Variants in PDGFRA observed in about 807,000 individuals in gnomAD.
The protein encoded by PDGFRA is platelet-derived growth factor receptor alpha.
In PDGFRA, 25 loss-of-function variants were observed where a neutral mutation model predicts 121.5. The ratio of observed to expected loss-of-function variants is 0.21; its 90% confidence interval spans 0.15 to 0.29. The LOEUF is 0.29. Ranked by LOEUF, PDGFRA falls within the 10% of genes least tolerant of loss-of-function variation. PDGFRA has a pLI of 1.00. For synonymous variants in PDGFRA, 463 were observed against 494.8 expected (o/e 0.94, Z 0.85); for missense variants, 1,008 against 1,345.1 (o/e 0.75, Z 3.92).
chr4:54,260,900 A>G (rs936185375), intron 2 of PDGFRA, among the ~76,000 whole-genome samples, 195 bp from the exon 3 acceptor site: 2 of 152,058 alleles, frequency 1.3e-5, no homozygotes, highest in Admixed American at 6.6e-5. Flanking sequence ...TGGTGGAGCT[A>G]TTTGGAACAT....
intron 1 of PDGFRA, among the ~76,000 whole-genome samples, chr4:54,253,763 C>A (rs776811493): frequency 2.0e-5 from 3 of 152,152 alleles, no homozygotes; most frequent in Non-Finnish European, 4.4e-5. Flanking sequence ...TGGCTCACTG[C>A]AACCTCTGCC....
chr4:54,251,252 G>C (rs1722043066), intron 1 of PDGFRA, among the ~76,000 whole-genome samples: 1 of 152,082 alleles, frequency 6.6e-6, no homozygotes, highest in African/African-American at 2.4e-5. Flanking sequence ...ATCTTTTAAT[G>C]ACTTTTTGCT....
chr4:54,294,179 G>A (rs1724767354), intron 22 of PDGFRA, among the ~76,000 whole-genome samples: 1 of 151,834 alleles, frequency 6.6e-6, no homozygotes, highest in South Asian at 2.1e-4. Context: ...TTTATAACGT[G>A]TTTATATCTC....
chr4:54,264,754 A>G (rs1722939161), intron 4 of PDGFRA, 165 bp from the exon 5 acceptor site: 4 of 613,866 alleles, frequency 6.5e-6, no homozygotes, highest in Non-Finnish European at 8.6e-6. Flanking sequence ...GTTGTACACC[A>G]TCTCACAATC....
chr4:54,262,057 C>T (rs1722776175), intron 3 of PDGFRA, among the ~76,000 whole-genome samples: 1 of 151,168 alleles, frequency 6.6e-6, no homozygotes, highest in Non-Finnish European at 1.5e-5. Flanking sequence ...TCAGCCTCCC[C>T]AGTAGCTGGG....
intron 1 of PDGFRA, among the ~76,000 whole-genome samples, chr4:54,249,010 C>T (rs556228117): frequency 6.6e-6 from 1 of 152,238 alleles, no homozygotes; most frequent in African/African-American, 2.4e-5. Context: ...AAATCAAAAC[C>T]ACAATGAGAT....
chr4:54,281,559 A>C, intron 16 of PDGFRA: 1 of 1,338,122 alleles, frequency 7.5e-7, no homozygotes, highest in Non-Finnish European at 9.8e-7. Flanking sequence ...TATTGTTAAA[A>C]ATAGTTTACA....
At chr4:54,261,929 ATATTTT>A (rs1440471148) in intron 3 of PDGFRA, among the ~76,000 whole-genome samples, 1,295 of 60,264 alleles carry the variant, frequency 0.021, 8 homozygotes, top group African/African-American at 0.048. Context: ...ATATATATAT[ATATTTT>A]TTTTTTTTTT....
intron 1 of PDGFRA, among the ~76,000 whole-genome samples, chr4:54,246,473 T>G (rs186273251): frequency 6.6e-6 from 1 of 152,084 alleles, no homozygotes; most frequent in Non-Finnish European, 1.5e-5. Context: ...GACTACTGGG[T>G]ACATAACGAA....
chr4:54,276,604 T>C (rs1334621865), intron 12 of PDGFRA: 2 of 152,224 alleles, frequency 1.3e-5, no homozygotes, highest in African/African-American at 4.8e-5. Flanking sequence ...ATAATTCCCA[T>C]TATACCAAGA....
At chr4:54,281,514 G>C in intron 16 of PDGFRA, 1 of 1,101,784 alleles carries the variant, frequency 9.1e-7, no homozygotes, top group African/African-American at 1.6e-5. Flanking sequence ...TAGCCAGTGA[G>C]AGTTATCGGA....
At chr4:54,286,115 G>A in intron 18 of PDGFRA, 152 bp downstream of exon 18, 6 of 787,232 alleles carry the variant, frequency 7.6e-6, no homozygotes, top group South Asian at 7.3e-5. Context: ...GATTGCCCAG[G>A]TTTGAGTGCC....
chr4:54,280,284 C>A (rs2110322905), intron 15 of PDGFRA, 32 bp from the exon 16 acceptor site: 1 of 1,602,028 alleles, frequency 6.2e-7, no homozygotes, highest in Non-Finnish European at 8.5e-7. Context: ...AGAAGGGCAC[C>A]CTGGGTAAGA....
intron 8 of PDGFRA, among the ~76,000 whole-genome samples, chr4:54,272,075 G>T (rs1444514095): frequency 7.0e-6 from 1 of 143,028 alleles, no homozygotes; most frequent in Non-Finnish European, 1.5e-5. Flanking sequence ...AAACTCCTGG[G>T]CTCAAGTGTT....
rs753972328 is a variant in PDGFRA at position 54,261,234 on chromosome 4, A to G, written c.189A>G (p.Glu63=). Residue 63 remains glutamate (E), a synonymous_variant, in exon 3 of 23, where the codon GAA becomes GAG. Coordinates refer to ENST00000257290, the MANE Select transcript of PDGFRA (RefSeq NM_006206.6). ...SEVSWQYPMS[E]EESSDVEIRN... is the part of the protein sequence containing the mutation. The stretch of plus-strand genomic sequence containing the variant: ...TGAGCTGGCAGTACCCCATGTCTGA[A>G]GAAGAGAGCTCCGATGTGGAAATCA... The G allele has an allele frequency of 3.1e-6, 5 of 1,614,132 alleles. No individual in the cohort carries two copies. The highest frequency in any genetic ancestry group is 1.7e-6 in the Non-Finnish European group (2 of 1,180,018).
At chr4:54,253,422 C>T (rs1722174175) in intron 1 of PDGFRA, among the ~76,000 whole-genome samples, 1 of 152,154 alleles carries the variant, frequency 6.6e-6, no homozygotes, top group Non-Finnish European at 1.5e-5. Flanking sequence ...AATGTGATTT[C>T]CATCCTTTCT....
chr4:54,232,878 G>A (rs1720762265), intron 1 of PDGFRA, among the ~76,000 whole-genome samples: 1 of 152,140 alleles, frequency 6.6e-6, no homozygotes, highest in African/African-American at 2.4e-5. Flanking sequence ...AAGCCACCGC[G>A]CCCGGCCAGG....
rs1281512231 is a variant in PDGFRA at position 54,281,835 on chromosome 4, A to G, written c.2323+1353A>G. The G allele has an allele frequency of 8.1e-6, 10 of 1,235,324 alleles. 1 individual carries two copies. The Admixed American group carries it at 3.4e-4, about 42-fold the overall frequency. 76.5% of individuals were successfully genotyped at this position (1,235,324 alleles called of 1,614,324 possible). ...AACTGGGGAAAGTGGACAAGTTACAAACAAAGAAACTCAAAGGAAAGTCAT... is the reference window on the plus strand; with the variant it reads ...AACTGGGGAAAGTGGACAAGTTACAGACAAAGAAACTCAAAGGAAAGTCAT... On this transcript the variant is annotated intron_variant, in intron 16 of 22. Coordinates refer to ENST00000257290, the MANE Select transcript of PDGFRA (RefSeq NM_006206.6).
At chr4:54,230,190 C>G (rs1720584296) in intron 1 of PDGFRA, 1 of 153,328 alleles carries the variant, frequency 6.5e-6, no homozygotes, top group East Asian at 2.0e-4. Flanking sequence ...TTGGGGCGCT[C>G]TGGAGCGGTT....
Sources: gnomAD v4.1 joint callset for allele counts (sites outside exome capture counted in the v4.1 genomes callset) on GRCh38, gnomAD v4.1.1 for gene constraint, MANE v1.5 for transcripts, NCBI Gene and HGNC (gene_info 2026-07-23, HGNC 2026-07-21) for gene names.